The following LDB2 variants were observed in gnomAD, a reference collection of about 807,000 sequenced individuals.
LDB2 encodes the protein LIM domain binding 2, also known as LIM domain-binding protein 2.
In LDB2, 12 loss-of-function variants were observed where a neutral mutation model predicts 44.3. The observed-to-expected ratio is 0.27, with a 90% CI of 0.17 to 0.44. The LOEUF is 0.44. Among genes scored for constraint, LDB2 ranks in the 20% least tolerant of loss-of-function variants. LDB2 has a pLI of 1.00. For missense variants in LDB2, 344 were observed against 473.5 expected (o/e 0.73, Z 2.54); for synonymous variants, 164 against 174.8 (o/e 0.94, Z 0.49).
chr4:16,569,144 AG>A (rs927351330), intron 5 of LDB2, among the ~76,000 whole-genome samples: 50 of 152,366 alleles, frequency 3.3e-4, no homozygotes, highest in African/African-American at 1.2e-3. Flanking sequence ...CTTTAGGTAA[AG>A]CACAGACAGA....
At chr4:16,694,596 C>T (rs1751653242) in intron 2 of LDB2, among the ~76,000 whole-genome samples, 1 of 152,238 alleles carries the variant, frequency 6.6e-6, no homozygotes, top group East Asian at 1.9e-4. Context: ...TCTTCCCTCC[C>T]AGCCCTTCCA....
rs1198524925 is a variant in LDB2 at position 16,808,856 on chromosome 4, T to G, written c.133-49596A>C. 9.9e-5 allele frequency among the ~76,000 whole-genome samples: 15 copies of G among 152,100 alleles called. 1 individual carries two copies. Among genetic ancestry groups the G allele is most frequent in the Non-Finnish European group, 2.1e-4 (14 of 68,032 alleles). ...GTAAATAGCGGGTCCTGGTGTACAT[T>G]TATGGCTAGCTCTCCACCGAAAATC... On this transcript the variant is annotated intron_variant, in intron 1 of 7. Coordinates refer to ENST00000304523, the MANE Select transcript of LDB2 (RefSeq NM_001290.5).
At chr4:16,677,614 A>T (rs1255385936) in intron 2 of LDB2, among the ~76,000 whole-genome samples, 1 of 152,316 alleles carries the variant, frequency 6.6e-6, no homozygotes, top group African/African-American at 2.4e-5. Context: ...CTAATCTGAG[A>T]TTCTAGTCAA....
intron 2 of LDB2, among the ~76,000 whole-genome samples, chr4:16,609,533 A>T (rs1725030373): frequency 6.6e-6 from 1 of 152,190 alleles, no homozygotes; most frequent in African/African-American, 2.4e-5. Context: ...GGGAGGCTGG[A>T]CAGCTTGGTC....
At chr4:16,852,774 A>G (rs1788544858) in intron 1 of LDB2, among the ~76,000 whole-genome samples, 1 of 152,230 alleles carries the variant, frequency 6.6e-6, no homozygotes, top group Admixed American at 6.5e-5. Flanking sequence ...AAAGGCAGTT[A>G]CAGGCATGTA....
chr4:16,747,971 T>C (rs1001614477), intron 2 of LDB2, among the ~76,000 whole-genome samples: 3 of 152,124 alleles, frequency 2.0e-5, no homozygotes, highest in Admixed American at 1.3e-4. Flanking sequence ...AAACTGCAAA[T>C]AAGATTATTC....
chr4:16,739,614 A>G (rs1296601087), intron 2 of LDB2, among the ~76,000 whole-genome samples: 3 of 85,162 alleles, frequency 3.5e-5, no homozygotes, highest in Admixed American at 1.3e-4. Context: ...ATATATGTAT[A>G]TATACATGTG....
intron 2 of LDB2, among the ~76,000 whole-genome samples, chr4:16,602,772 G>C (rs1274678554): frequency 4.6e-5 from 7 of 151,922 alleles, no homozygotes; most frequent in Admixed American, 2.6e-4. Context: ...CTAAGTGCTA[G>C]AGAAACAAGG....
chr4:16,819,103 T>C (rs200232189), intron 1 of LDB2, among the ~76,000 whole-genome samples: 71 of 142,476 alleles, frequency 5.0e-4, no homozygotes, highest in East Asian at 3.6e-3. Context: ...TGTGTGTGTG[T>C]GTGTGTGTGT....
At chr4:16,698,425 C>A (rs1752684023) in intron 2 of LDB2, among the ~76,000 whole-genome samples, 1 of 152,174 alleles carries the variant, frequency 6.6e-6, no homozygotes, top group African/African-American at 2.4e-5. Flanking sequence ...TTCCACACAC[C>A]TCACAGGTCC....
intron 5 of LDB2, among the ~76,000 whole-genome samples, chr4:16,546,596 G>A (rs1735844846): frequency 6.6e-6 from 1 of 152,156 alleles, no homozygotes; most frequent in Non-Finnish European, 1.5e-5. Context: ...CACATGGTAT[G>A]ACAGCACTGG....
At chr4:16,543,487 T>A (rs1734628365) in intron 5 of LDB2, among the ~76,000 whole-genome samples, 1 of 152,258 alleles carries the variant, frequency 6.6e-6, no homozygotes, top group African/African-American at 2.4e-5. Flanking sequence ...AGATGGTATC[T>A]CATTGTGGTT....
intron 1 of LDB2, among the ~76,000 whole-genome samples, chr4:16,882,571 T>C (rs1326312940): frequency 2.0e-5 from 3 of 152,164 alleles, no homozygotes; most frequent in East Asian, 1.9e-4. Context: ...TAATATTATA[T>C]AGGGTTAAGC....
chr4:16,522,616 G>A (rs76233110), intron 5 of LDB2, among the ~76,000 whole-genome samples: 3,688 of 152,236 alleles, frequency 0.024, 85 homozygotes, highest in East Asian at 0.13. Context: ...TATGGATGCT[G>A]AGGAACAACT....
intron 2 of LDB2, among the ~76,000 whole-genome samples, chr4:16,706,680 G>T (rs1278324753): frequency 1.3e-5 from 2 of 152,146 alleles, no homozygotes. Flanking sequence ...GTTCTTCCTA[G>T]GGGGACATAA....
chr4:16,508,756 AC>A (rs1720558262), intron 6 of LDB2, 70 bp from the exon 7 acceptor site: 20 of 1,445,038 alleles, frequency 1.4e-5, no homozygotes, highest in Admixed American at 1.2e-4. Flanking sequence ...CAGTATGGTT[AC>A]TCTAAGGAAG....
chr4:16,785,036 G>A (rs1225569130), intron 1 of LDB2, among the ~76,000 whole-genome samples: 5 of 151,520 alleles, frequency 3.3e-5, no homozygotes, highest in African/African-American at 9.7e-5. Flanking sequence ...TTAATGGCAT[G>A]CTTATAATAG....
At chr4:16,588,600 G>C (rs906122) in intron 4 of LDB2, 110 bp downstream of exon 4, 261,047 of 1,121,382 alleles carry the variant, frequency 0.23, 33,135 homozygotes, top group East Asian at 0.49. Context: ...TACCTAAAGC[G>C]TGACAACTAC....
At chr4:16,790,485 T>C (rs1240544825) in intron 1 of LDB2, among the ~76,000 whole-genome samples, 2 of 151,764 alleles carry the variant, frequency 1.3e-5, no homozygotes, top group Non-Finnish European at 2.9e-5. Flanking sequence ...GTAATAGTGC[T>C]GGAACATTTG....
Sources: allele counts gnomAD v4.1 joint callset (sites outside exome capture counted in the v4.1 genomes callset), GRCh38; gene constraint gnomAD v4.1.1; transcripts MANE v1.5; gene names NCBI Gene and HGNC (gene_info 2026-07-23, HGNC 2026-07-21).